The following SLC35F1 variants were observed in gnomAD, a reference collection of about 807,000 sequenced individuals.
The protein encoded by SLC35F1 is chromosome 6 open reading frame 169.
SLC35F1 carries 14 observed loss-of-function variants against 48.7 expected under a neutral mutation model. The observed-to-expected ratio is 0.29, with a 90% CI of 0.19 to 0.45. SLC35F1 has a LOEUF of 0.45. SLC35F1 is among the 20% of genes least tolerant of loss of function. SLC35F1 has a pLI of 1.00. For synonymous variants in SLC35F1, 190 were observed against 202.2 expected, an observed-to-expected ratio of 0.94 and a Z score of 0.51; for missense variants, 404 against 500.0, an observed-to-expected ratio of 0.81 and a Z score of 1.83.
chr6:117,957,658 C>A (rs1001645747), intron 1 of SLC35F1, among the ~76,000 whole-genome samples: 8 of 152,168 alleles, frequency 5.3e-5, no homozygotes, highest in Admixed American at 3.3e-4. Context: ...ATACAGTGGT[C>A]CCATAAGATC....
intron 1 of SLC35F1, among the ~76,000 whole-genome samples, chr6:118,007,349 A>G (rs773460871): frequency 2.0e-5 from 3 of 152,138 alleles, no homozygotes; most frequent in Non-Finnish European, 2.9e-5. Flanking sequence ...TTAAATTTTA[A>G]CATGAGTTTT....
intron 1 of SLC35F1, among the ~76,000 whole-genome samples, chr6:118,145,708 A>C (rs1463279169): frequency 1.3e-5 from 2 of 152,210 alleles, no homozygotes; most frequent in Non-Finnish European, 2.9e-5. Context: ...ATTGCCTGAC[A>C]TAATGTTAGC....
At chr6:118,252,071 A>T (rs2114604393) in intron 3 of SLC35F1, among the ~76,000 whole-genome samples, 1 of 152,326 alleles carries the variant, frequency 6.6e-6, no homozygotes, top group East Asian at 1.9e-4. Context: ...CAAGATGAAG[A>T]TGGGGCAGAT....
rs1382310460 is a variant in SLC35F1, at chr6:118,316,505, A to AT, written c.*2258dup. On this transcript the variant is annotated 3_prime_UTR_variant, in exon 8 of 8. Transcript: ENST00000360388. Reference sequence around the variant, plus strand: ...TTGAATAATTTGCTTGATTTATTGCATTTTTAGTATTTATTTTAAGCCAGA... The same window carrying AT: ...TTGAATAATTTGCTTGATTTATTGCATTTTTTAGTATTTATTTTAAGCCAGA... 6.6e-6 allele frequency: 1 copy of AT among 152,556 alleles called. No homozygotes were observed. The highest frequency in any genetic ancestry group is 1.5e-5 in the Non-Finnish European group (1 of 68,014). 9.5% of individuals were successfully genotyped at this position (152,556 alleles called of 1,614,324 possible). A position where few individuals can be genotyped will look rare whatever the true frequency, so the allele number is the denominator to read the frequency against.
intron 3 of SLC35F1, among the ~76,000 whole-genome samples, chr6:118,259,994 G>A (rs537746004): frequency 2.1e-4 from 32 of 152,228 alleles, no homozygotes; most frequent in African/African-American, 7.2e-4. Context: ...ACTGAGCAAT[G>A]TGTAAGTAAA....
intron 1 of SLC35F1, among the ~76,000 whole-genome samples, chr6:118,118,242 T>C (rs866017596): frequency 1.4e-4 from 21 of 152,338 alleles, no homozygotes; most frequent in Middle Eastern, 3.4e-3. Context: ...CTGTCATCAG[T>C]CTTTATAACT....
At chr6:118,111,539 C>T (rs762798453) in intron 1 of SLC35F1, among the ~76,000 whole-genome samples, 5 of 151,930 alleles carry the variant, frequency 3.3e-5, no homozygotes, top group Admixed American at 3.3e-4. Flanking sequence ...CTTTCTCAGA[C>T]AAAGAAAAAC....
In SLC35F1 at chr6:118,284,723, C is replaced by G. The variant is rs190616061; in HGVS notation, c.848-461C>G. On this transcript the variant is annotated intron_variant, in intron 6 of 7. Coordinates refer to ENST00000360388, the MANE Select transcript of SLC35F1 (RefSeq NM_001029858.4). ...TCTAAGTCCAGGTCTCTTTGACATG[C>G]AAGCTCTTCAACTTTAAAGACTACG... is the stretch of plus-strand genomic sequence containing the variant. Among the ~76,000 whole-genome samples, 30 of 152,306 alleles carry G rather than the reference C, an allele frequency of 2.0e-4. No individual in the cohort carries two copies. In the East Asian group the frequency reaches 5.2e-3, roughly 26 times the overall value.
chr6:117,980,712 T>C, intron 1 of SLC35F1, among the ~76,000 whole-genome samples: 1 of 152,190 alleles, frequency 6.6e-6, no homozygotes, highest in Non-Finnish European at 1.5e-5. Flanking sequence ...TAGAAATATT[T>C]ATAAAGTGTC....
At chr6:117,980,111 CAT>C (rs373519608) in intron 1 of SLC35F1, among the ~76,000 whole-genome samples, 29 of 152,240 alleles carry the variant, frequency 1.9e-4, no homozygotes, top group African/African-American at 6.5e-4. Context: ...TCTAGAGCCT[CAT>C]GTGTAAGATT....
intron 3 of SLC35F1, among the ~76,000 whole-genome samples, chr6:118,255,671 C>T (rs893366637): frequency 1.3e-5 from 2 of 152,162 alleles, no homozygotes; most frequent in African/African-American, 4.8e-5. Flanking sequence ...GTTCGGATGA[C>T]TGGCACAAGG....
chr6:118,245,705 A>T, intron 3 of SLC35F1, among the ~76,000 whole-genome samples: 1 of 152,204 alleles, frequency 6.6e-6, no homozygotes. Flanking sequence ...ACAGATGTCT[A>T]AACATCTTCC....
chr6:118,235,628 A>G lies in SLC35F1; in HGVS notation c.469A>G (p.Ser157Gly), dbSNP rs763987457. 6.2e-7 allele frequency: 1 copy of G among 1,611,924 alleles called. No homozygotes were observed. Among genetic ancestry groups the G allele is most frequent in the Non-Finnish European group, 8.5e-7 (1 of 1,178,930 alleles). Residue 157 changes from serine (S) to glycine (G), a missense_variant, in exon 3 of 8, where the codon AGT becomes GGT. Coordinates refer to ENST00000360388, the MANE Select transcript of SLC35F1 (RefSeq NM_001029858.4). ...GGCTTACCAATACACAACTCTGACC[A>G]GTATCCAGGTACCCATGGTTCTTCT... The part of the protein sequence containing the change: ...VKAYQYTTLT[S>G]IQLLDCFVIP...
chr6:118,201,449 T>G (rs1774872705), intron 2 of SLC35F1, among the ~76,000 whole-genome samples: 1 of 152,214 alleles, frequency 6.6e-6, no homozygotes, highest in Admixed American at 6.5e-5. Flanking sequence ...CACAAACATT[T>G]AGATAGATTG....
chr6:118,040,900 C>A (rs1446303029), intron 1 of SLC35F1, among the ~76,000 whole-genome samples: 1 of 136,090 alleles, frequency 7.3e-6, no homozygotes, highest in Non-Finnish European at 1.7e-5. Flanking sequence ...AAAGAGGGAA[C>A]CCAAACAAAT....
intron 1 of SLC35F1, among the ~76,000 whole-genome samples, chr6:117,992,387 A>G (rs1489036805): frequency 6.6e-6 from 1 of 152,192 alleles, no homozygotes; most frequent in Non-Finnish European, 1.5e-5. Flanking sequence ...TATACATTGG[A>G]GCAGATGTGA....
chr6:118,031,802 A>G (rs1772058679), intron 1 of SLC35F1, among the ~76,000 whole-genome samples: 1 of 152,164 alleles, frequency 6.6e-6, no homozygotes, highest in Non-Finnish European at 1.5e-5. Flanking sequence ...AATCTCTAGG[A>G]AAAGAGTGGT....
intron 1 of SLC35F1, among the ~76,000 whole-genome samples, chr6:117,949,046 A>T (rs1417424068): frequency 6.6e-6 from 1 of 152,192 alleles, no homozygotes. Context: ...GGTGCTATTC[A>T]TAATGCTTTT....
At chr6:118,075,582 T>C (rs1379691572) in intron 1 of SLC35F1, among the ~76,000 whole-genome samples, 1 of 152,190 alleles carries the variant, frequency 6.6e-6, no homozygotes, top group African/African-American at 2.4e-5. Context: ...TACAGCCCCA[T>C]TTGTATTTTT....
Sources: gnomAD v4.1 joint callset for allele counts (sites outside exome capture counted in the v4.1 genomes callset) on GRCh38, gnomAD v4.1.1 for gene constraint, MANE v1.5 for transcripts, NCBI Gene and HGNC (gene_info 2026-07-23, HGNC 2026-07-21) for gene names.